Variants in CACNA2D3 observed in about 807,000 individuals in gnomAD.
CACNA2D3 encodes the protein calcium voltage-gated channel auxiliary subunit alpha2delta 3.
In CACNA2D3, 60 loss-of-function variants were observed where a neutral mutation model predicts 160.6. That is an observed-to-expected ratio of 0.37 (90% CI 0.30 to 0.46). The LOEUF (loss-of-function observed/expected upper bound fraction) is 0.46, where lower values mean the gene tolerates loss of function less well. CACNA2D3 is among the 20% of genes least tolerant of loss of function. The pLI is 1.00. For synonymous variants in CACNA2D3, 558 were observed against 492.9 expected, an observed-to-expected ratio of 1.13 and a Z score of -1.75; for missense variants, 1,205 against 1,365.0, an observed-to-expected ratio of 0.88 and a Z score of 1.85.
intron 4 of CACNA2D3, among the ~76,000 whole-genome samples, chr3:54,409,299 A>C (rs552710616): frequency 2.3e-4 from 35 of 152,308 alleles, no homozygotes; most frequent in African/African-American, 7.9e-4. Flanking sequence ...GGACGTTACT[A>C]TTGTAATTAT....
At chr3:55,006,215 G>A (rs1478001729) in intron 32 of CACNA2D3, among the ~76,000 whole-genome samples, 2 of 152,134 alleles carry the variant, frequency 1.3e-5, no homozygotes, top group African/African-American at 4.8e-5. Flanking sequence ...ATGATAATGT[G>A]CATTTAAATT....
At chr3:54,181,782 A>G in intron 2 of CACNA2D3, among the ~76,000 whole-genome samples, 1 of 152,184 alleles carries the variant, frequency 6.6e-6, no homozygotes, top group East Asian at 1.9e-4. Context: ...TCACTGGTTG[A>G]CATAGGCTTT....
intron 9 of CACNA2D3, among the ~76,000 whole-genome samples, chr3:54,601,135 T>G (rs1191730057): frequency 6.6e-6 from 1 of 152,182 alleles, no homozygotes; most frequent in Non-Finnish European, 1.5e-5. Context: ...GAAATCCCAT[T>G]CTGCTTATCA....
intron 2 of CACNA2D3, among the ~76,000 whole-genome samples, chr3:54,150,480 C>T (rs1700127601): frequency 6.6e-6 from 1 of 152,232 alleles, no homozygotes; most frequent in Non-Finnish European, 1.5e-5. Flanking sequence ...CACCTCATTC[C>T]TGTCTTGCTT....
intron 5 of CACNA2D3, among the ~76,000 whole-genome samples, 168 bp from the exon 6 acceptor site, chr3:54,562,632 C>T (rs1312612467): frequency 6.6e-6 from 1 of 152,212 alleles, no homozygotes; most frequent in East Asian, 1.9e-4. Context: ...GAATCCCCAG[C>T]ATCTGGACAC....
At chr3:54,806,790 C>T (rs1355442342) in intron 13 of CACNA2D3, among the ~76,000 whole-genome samples, 1 of 152,094 alleles carries the variant, frequency 6.6e-6, no homozygotes, top group Non-Finnish European at 1.5e-5. Context: ...ATCACACTAC[C>T]TGACTTCAAA....
chr3:54,996,399 A>T (rs1702860272), intron 31 of CACNA2D3, among the ~76,000 whole-genome samples: 1 of 152,250 alleles, frequency 6.6e-6, no homozygotes, highest in African/African-American at 2.4e-5. Context: ...GGGCTGCGTG[A>T]ATGGGCAAAC....
chr3:54,778,739 C>T (rs548410879), intron 13 of CACNA2D3, among the ~76,000 whole-genome samples: 3 of 152,274 alleles, frequency 2.0e-5, no homozygotes, highest in South Asian at 2.1e-4. Flanking sequence ...CTCATAGACT[C>T]AGAGATCCAA....
chr3:54,706,159 C>A (rs1342693245), intron 11 of CACNA2D3, among the ~76,000 whole-genome samples: 1 of 152,178 alleles, frequency 6.6e-6, no homozygotes, highest in Non-Finnish European at 1.5e-5. Context: ...CAGCAGTGCA[C>A]TATTTTGATG....
chr3:54,311,993 GC>G (rs1703753266), intron 2 of CACNA2D3, among the ~76,000 whole-genome samples: 1 of 152,158 alleles, frequency 6.6e-6, no homozygotes, highest in African/African-American at 2.4e-5. Context: ...GGAACGTGAG[GC>G]TTCTTTCACT....
intron 5 of CACNA2D3, among the ~76,000 whole-genome samples, chr3:54,537,436 A>C (rs147680688): frequency 6.6e-6 from 1 of 152,040 alleles, no homozygotes; most frequent in African/African-American, 2.4e-5. Context: ...GCACTCCCTC[A>C]TTGGAGTCAC....
intron 13 of CACNA2D3, among the ~76,000 whole-genome samples, chr3:54,809,724 C>G (rs559485317): frequency 6.7e-4 from 102 of 151,560 alleles, no homozygotes; most frequent in Non-Finnish European, 1.3e-3. Context: ...TCTCTCCCCC[C>G]TTCCTTTTTT....
chr3:54,462,475 T>A (rs1700525409), intron 4 of CACNA2D3, among the ~76,000 whole-genome samples: 1 of 152,232 alleles, frequency 6.6e-6, no homozygotes, highest in South Asian at 2.1e-4. Flanking sequence ...TGGGGGCATA[T>A]ATATTTAGGA....
chr3:54,671,665 G>C lies in CACNA2D3; in HGVS notation c.1167+29424G>C, dbSNP rs571654716. On this transcript the variant is annotated intron_variant, in intron 11 of 37. Transcript: ENST00000474759. ...AATACAGCTGCTCCAGGGCAGGAAT[G>C]GGGGATCTTTTGGGCTCTCTCCCAG... 5.3e-5 allele frequency among the ~76,000 whole-genome samples: 8 copies of C among 152,256 alleles called. No individual in the cohort carries two copies. The South Asian group carries it at 1.7e-3, about 32-fold the overall frequency.
At chr3:54,650,314 C>G (rs1418263565) in intron 11 of CACNA2D3, among the ~76,000 whole-genome samples, 1 of 151,928 alleles carries the variant, frequency 6.6e-6, no homozygotes, top group Non-Finnish European at 1.5e-5. Flanking sequence ...TTACTCATGC[C>G]TCAGCCTCCC....
intron 2 of CACNA2D3, among the ~76,000 whole-genome samples, chr3:54,137,546 CTG>C (rs944658735): frequency 6.6e-6 from 1 of 152,236 alleles, no homozygotes; most frequent in Admixed American, 6.5e-5. Flanking sequence ...GGGCACAAAA[CTG>C]TGTTTTTTTT....
chr3:55,073,668 C>CTGTT, intron 36 of CACNA2D3, 109 bp from the exon 37 acceptor site: 1 of 1,238,106 alleles, frequency 8.1e-7, no homozygotes, highest in South Asian at 1.3e-5. Context: ...ATCCTTTCCA[C>CTGTT]TGTTGGAGAG....
intron 10 of CACNA2D3, chr3:54,637,569 T>C (rs988132067): frequency 2.0e-5 from 3 of 151,952 alleles, no homozygotes; most frequent in East Asian, 1.9e-4. Context: ...GAAGCCTGGC[T>C]GTCAATACTC....
At chr3:54,869,061 T>C (rs1699466598) in intron 17 of CACNA2D3, among the ~76,000 whole-genome samples, 1 of 152,224 alleles carries the variant, frequency 6.6e-6, no homozygotes, top group Non-Finnish European at 1.5e-5. Context: ...CAATGTGATG[T>C]GAGTGGTGTG....
Sources: gnomAD v4.1 joint callset for allele counts (sites outside exome capture counted in the v4.1 genomes callset) on GRCh38, gnomAD v4.1.1 for gene constraint, MANE v1.5 for transcripts, NCBI Gene and HGNC (gene_info 2026-07-23, HGNC 2026-07-21) for gene names.